The following ZNF385D variants were observed in gnomAD, a reference collection of about 807,000 sequenced individuals.
ZNF385D encodes zinc finger protein 659.
ZNF385D carries 15 observed loss-of-function variants against 35.8 expected under a neutral mutation model. The observed-to-expected ratio is 0.42, with a 90% CI of 0.28 to 0.64. The LOEUF is 0.64. Ranked by LOEUF, ZNF385D falls within the 30% of genes least tolerant of loss-of-function variation. The probability of loss-of-function intolerance (pLI) is 0.23; values close to 1 mark genes in which losing one functional copy is unlikely to be tolerated. For missense variants in ZNF385D, 474 were observed against 494.6 expected, an observed-to-expected ratio of 0.96 and a Z score of 0.39; for synonymous variants, 212 against 186.8, an observed-to-expected ratio of 1.13 and a Z score of -1.10.
At chr3:22,350,297 A>G (rs1695857796) in intron 2 of ZNF385D, among the ~76,000 whole-genome samples, 1 of 152,148 alleles carries the variant, frequency 6.6e-6, no homozygotes, top group Admixed American at 6.5e-5. Context: ...TTTTAAAAGG[A>G]AAAGATGTAT....
intron 3 of ZNF385D, among the ~76,000 whole-genome samples, chr3:22,081,762 G>A (rs1448944664): frequency 3.3e-5 from 5 of 152,196 alleles, no homozygotes; most frequent in Middle Eastern, 3.4e-3. Context: ...GCCCCAAAAC[G>A]CTAAAATATT....
At chr3:21,921,803 C>G (rs1700477244) in intron 3 of ZNF385D, among the ~76,000 whole-genome samples, 1 of 150,552 alleles carries the variant, frequency 6.6e-6, no homozygotes, top group Non-Finnish European at 1.5e-5. Flanking sequence ...AATTTGAAAC[C>G]CTGAACAGAC....
intron 1 of ZNF385D, among the ~76,000 whole-genome samples, chr3:21,732,200 C>A (rs2069049987): frequency 1.3e-5 from 2 of 151,726 alleles, no homozygotes. Context: ...CAGGTGCCTG[C>A]CACCACACCC....
chr3:21,503,678 A>G (rs1329823698), intron 4 of ZNF385D, among the ~76,000 whole-genome samples: 1 of 152,140 alleles, frequency 6.6e-6, no homozygotes, highest in Non-Finnish European at 1.5e-5. Context: ...GTGACCTTAA[A>G]ATTGACTGAC....
intron 3 of ZNF385D, among the ~76,000 whole-genome samples, chr3:22,162,678 T>G (rs57114890): frequency 1.3e-5 from 2 of 152,148 alleles, no homozygotes; most frequent in Admixed American, 6.6e-5. Context: ...CAGGATAAGG[T>G]ATAAACTTCA....
chr3:21,835,876 TTTG>T (rs201819430), intron 3 of ZNF385D, among the ~76,000 whole-genome samples: 2,904 of 152,150 alleles, frequency 0.019, 86 homozygotes, highest in African/African-American at 0.063. Context: ...TAATCCCTCA[TTTG>T]TTGTAGAGGC....
At chr3:21,607,720 C>T (rs1172455326) in intron 2 of ZNF385D, among the ~76,000 whole-genome samples, 2 of 152,076 alleles carry the variant, frequency 1.3e-5, no homozygotes, top group Non-Finnish European at 2.9e-5. Context: ...GGCTGCAGCC[C>T]AGCATGCATG....
intron 2 of ZNF385D, among the ~76,000 whole-genome samples, chr3:21,603,925 T>C (rs926989019): frequency 6.6e-6 from 1 of 151,866 alleles, no homozygotes; most frequent in Non-Finnish European, 1.5e-5. Flanking sequence ...GAAATAGGAG[T>C]AGAAGTAGCT....
At chr3:22,158,369 T>C (rs141945244) in intron 3 of ZNF385D, among the ~76,000 whole-genome samples, 2 of 152,222 alleles carry the variant, frequency 1.3e-5, no homozygotes, top group African/African-American at 4.8e-5. Flanking sequence ...CCTGACTTTA[T>C]AGGTTTCCTT....
chr3:21,818,269 T>C (rs886714066), intron 3 of ZNF385D, among the ~76,000 whole-genome samples: 2 of 152,196 alleles, frequency 1.3e-5, no homozygotes, highest in Middle Eastern at 3.2e-3. Flanking sequence ...ACATGGCACA[T>C]GTATACATAT....
intron 2 of ZNF385D, among the ~76,000 whole-genome samples, chr3:21,663,120 A>G (rs888091838): frequency 3.3e-5 from 5 of 152,276 alleles, no homozygotes; most frequent in East Asian, 1.9e-4. Context: ...GCCTTTGCCC[A>G]TGAAAAAAAC....
intron 3 of ZNF385D, among the ~76,000 whole-genome samples, chr3:21,559,611 C>A (rs2062866955): frequency 6.6e-6 from 1 of 152,116 alleles, no homozygotes; most frequent in Non-Finnish European, 1.5e-5. Context: ...TTCATTTCAA[C>A]CTTAGTGAAT....
intron 2 of ZNF385D, among the ~76,000 whole-genome samples, chr3:21,635,965 G>A (rs1218517813): frequency 1.3e-5 from 2 of 152,018 alleles, no homozygotes; most frequent in African/African-American, 4.8e-5. Flanking sequence ...TTGATTGATG[G>A]GCATTTGGGC....
intron 3 of ZNF385D, among the ~76,000 whole-genome samples, chr3:21,954,687 C>A (rs1465356273): frequency 6.6e-6 from 1 of 152,068 alleles, no homozygotes; most frequent in Non-Finnish European, 1.5e-5. Context: ...AACATTATTT[C>A]TATTTCATTT....
At chr3:22,059,081 C>A (rs1485538084) in intron 3 of ZNF385D, among the ~76,000 whole-genome samples, 5 of 152,296 alleles carry the variant, frequency 3.3e-5, no homozygotes, top group African/African-American at 4.8e-5. Context: ...AGCAGCTGGG[C>A]AATCACTGGA....
intron 2 of ZNF385D, among the ~76,000 whole-genome samples, chr3:22,243,426 T>C (rs1183164442): frequency 6.6e-6 from 1 of 150,956 alleles, no homozygotes; most frequent in Admixed American, 6.6e-5. Flanking sequence ...TTGACAAGAA[T>C]TGGATTTGAA....
intron 3 of ZNF385D, among the ~76,000 whole-genome samples, chr3:22,040,886 TC>T (rs1698625301): frequency 6.6e-6 from 1 of 150,844 alleles, no homozygotes; most frequent in Non-Finnish European, 1.5e-5. Flanking sequence ...CTTGCTAGAG[TC>T]TTTTTTTGTG....
At chr3:22,243,925 G>T (rs1193693804) in intron 2 of ZNF385D, among the ~76,000 whole-genome samples, 1 of 150,674 alleles carries the variant, frequency 6.6e-6, no homozygotes, top group Non-Finnish European at 1.5e-5. Context: ...GAGCACCTTT[G>T]AAATTTACCC....
At chr3:21,535,640 A>AT (rs142348622) in intron 3 of ZNF385D, among the ~76,000 whole-genome samples, 73 of 150,628 alleles carry the variant, frequency 4.8e-4, no homozygotes, top group Middle Eastern at 6.8e-3. Context: ...CCACTTAGCA[A>AT]TTTTTTTTTT....
Sources: gnomAD v4.1 joint callset for allele counts (sites outside exome capture counted in the v4.1 genomes callset) on GRCh38, gnomAD v4.1.1 for gene constraint, MANE v1.5 for transcripts, NCBI Gene and HGNC (gene_info 2026-07-23, HGNC 2026-07-21) for gene names.